The following NEGR1 variants were observed in gnomAD, a reference collection of about 807,000 sequenced individuals.
NEGR1 encodes the protein neuronal growth regulator 1, also known as IgLON family member 4.
A neutral mutation model predicts 40.9 loss-of-function variants in NEGR1; 10 were observed. That is an observed-to-expected ratio of 0.24 (90% CI 0.15 to 0.42). The LOEUF is 0.42. Among genes scored for constraint, NEGR1 ranks in the 10% least tolerant of loss-of-function variants. The pLI is 1.00. For synonymous variants in NEGR1, 185 were observed against 166.8 expected (o/e 1.11, Z -0.84); for missense variants, 352 against 438.9 (o/e 0.80, Z 1.77).
chr1:71,606,810 A>G (rs1206529589), intron 5 of NEGR1, among the ~76,000 whole-genome samples: 1 of 147,878 alleles, frequency 6.8e-6, no homozygotes, highest in Admixed American at 6.8e-5. Context: ...GCTTAATTTT[A>G]CCATCCTTCT....
chr1:71,746,478 A>G (rs1418219604), intron 3 of NEGR1, among the ~76,000 whole-genome samples: 4 of 152,020 alleles, frequency 2.6e-5, no homozygotes, highest in Non-Finnish European at 5.9e-5. Context: ...CTTAAAAATC[A>G]CATTTTTGAG....
At chr1:72,118,715 TA>T in intron 1 of NEGR1, among the ~76,000 whole-genome samples, 1 of 152,004 alleles carries the variant, frequency 6.6e-6, no homozygotes, top group South Asian at 2.1e-4. Context: ...AATTTCTGCT[TA>T]AAATTGTTAT....
intron 3 of NEGR1, among the ~76,000 whole-genome samples, chr1:71,761,933 T>A (rs999302873): frequency 5.3e-5 from 8 of 152,120 alleles, no homozygotes. Context: ...CTCTTGAGTT[T>A]TCCAAGTTTG....
rs539366121 is a variant in NEGR1, at chr1:72,181,445, G to A, written c.176+100874C>T. ...TGAGTGTGTGGAGAAGAGGGAATAC[G>A]TATACTCTTGGGGTGGGAATGTAGA... On this transcript the variant is annotated intron_variant, in intron 1 of 6. Coordinates refer to ENST00000357731, the MANE Select transcript of NEGR1 (RefSeq NM_173808.3). 6.6e-5 allele frequency among the ~76,000 whole-genome samples: 10 copies of A among 152,130 alleles called. No individual in the cohort carries two copies. In the South Asian group the frequency reaches 1.2e-3, roughly 19 times the overall value.
intron 3 of NEGR1, among the ~76,000 whole-genome samples, chr1:71,758,204 T>C (rs1313537808): frequency 6.6e-6 from 1 of 152,106 alleles, no homozygotes; most frequent in Admixed American, 6.5e-5. Flanking sequence ...TCAATAGAAG[T>C]TTAATAATCA....
intron 6 of NEGR1, among the ~76,000 whole-genome samples, chr1:71,545,213 A>T (rs1375489625): frequency 6.6e-6 from 1 of 151,678 alleles, no homozygotes; most frequent in Non-Finnish European, 1.5e-5. Context: ...CTAGAGAACA[A>T]GTCCCATATT....
chr1:71,636,252 A>T (rs2101569231), intron 4 of NEGR1, among the ~76,000 whole-genome samples: 1 of 152,244 alleles, frequency 6.6e-6, no homozygotes, highest in African/African-American at 2.4e-5. Context: ...AATATCCAAG[A>T]GATGTGAAGA....
At chr1:71,666,801 A>AT (rs1407314244) in intron 4 of NEGR1, among the ~76,000 whole-genome samples, 3 of 152,150 alleles carry the variant, frequency 2.0e-5, no homozygotes, top group Non-Finnish European at 4.4e-5. Flanking sequence ...TTAAAGTATA[A>AT]TTTTGAATGA....
At chr1:72,192,823 T>C (rs187381124) in intron 1 of NEGR1, among the ~76,000 whole-genome samples, 4 of 152,024 alleles carry the variant, frequency 2.6e-5, no homozygotes, top group East Asian at 3.9e-4. Context: ...AATGGTAGGA[T>C]GGTTCCCCTC....
At chr1:72,224,604 A>C (rs1209655458) in intron 1 of NEGR1, among the ~76,000 whole-genome samples, 2 of 152,158 alleles carry the variant, frequency 1.3e-5, no homozygotes, top group Non-Finnish European at 2.9e-5. Context: ...CCAAGCTTAA[A>C]TAACTAACTT....
intron 3 of NEGR1, among the ~76,000 whole-genome samples, chr1:71,774,257 T>C (rs1421090253): frequency 2.0e-5 from 3 of 152,150 alleles, no homozygotes; most frequent in East Asian, 1.9e-4. Context: ...TAAGAGCACA[T>C]GTGTATAACT....
At chr1:71,888,057 G>C (rs1301755487) in intron 2 of NEGR1, among the ~76,000 whole-genome samples, 2 of 151,374 alleles carry the variant, frequency 1.3e-5, no homozygotes, top group Non-Finnish European at 2.9e-5. Context: ...AAAAGCTCAT[G>C]TCTGAATGGC....
chr1:71,817,950 C>T (rs562081292), intron 2 of NEGR1, among the ~76,000 whole-genome samples: 3 of 152,048 alleles, frequency 2.0e-5, no homozygotes, highest in Non-Finnish European at 2.9e-5. Flanking sequence ...CTCAACATCG[C>T]TAATCATTAC....
At chr1:72,231,060 C>T (rs973091142) in intron 1 of NEGR1, among the ~76,000 whole-genome samples, 7 of 152,116 alleles carry the variant, frequency 4.6e-5, no homozygotes, top group Non-Finnish European at 8.8e-5. Context: ...ATTAACATGG[C>T]AAGTGCATGA....
At chr1:71,849,166 T>TAA (rs1659521580) in intron 2 of NEGR1, among the ~76,000 whole-genome samples, 1 of 152,044 alleles carries the variant, frequency 6.6e-6, no homozygotes, top group Non-Finnish European at 1.5e-5. Context: ...TGGATCTGGG[T>TAA]AAAGTAAATT....
chr1:71,698,123 AT>A lies in NEGR1; in HGVS notation c.551del (p.Asn184MetfsTer31). On this transcript the variant is annotated frameshift_variant, in exon 4 of 7. Transcript: ENST00000357731. LOFTEE classifies it high-confidence loss of function. ...HISPSAKPFE[N>X]GQYLDIYGIT... The stretch of plus-strand genomic sequence containing the variant: ...TTCCATAAATGTCCAAATATTGTCC[AT>A]TTTCAAATGGTTTTGCTATAAAAAA... The A allele has an allele frequency of 6.2e-7, 1 of 1,610,552 alleles. No individual in the cohort carries two copies.
chr1:72,067,629 A>G (rs187924110), intron 1 of NEGR1, among the ~76,000 whole-genome samples: 18 of 152,186 alleles, frequency 1.2e-4, no homozygotes, highest in Non-Finnish European at 2.1e-4. Context: ...TAGTTTGTCA[A>G]TTTTGTTGTC....
At chr1:71,729,502 C>A (rs1481954481) in intron 3 of NEGR1, among the ~76,000 whole-genome samples, 1 of 152,098 alleles carries the variant, frequency 6.6e-6, no homozygotes, top group Non-Finnish European at 1.5e-5. Context: ...ATTTGTATCC[C>A]ATGCTTTGGC....
chr1:72,147,192 G>A (rs956689628), intron 1 of NEGR1, among the ~76,000 whole-genome samples: 2 of 152,168 alleles, frequency 1.3e-5, no homozygotes, highest in East Asian at 1.9e-4. Context: ...TTATTAGTTC[G>A]TTTTCATGCT....
Sources: allele counts gnomAD v4.1 joint callset (sites outside exome capture counted in the v4.1 genomes callset), GRCh38; gene constraint gnomAD v4.1.1; transcripts MANE v1.5; gene names NCBI Gene and HGNC (gene_info 2026-07-23, HGNC 2026-07-21).